The following LHPP variants were observed in gnomAD, a reference collection of about 807,000 sequenced individuals.
LHPP encodes phospholysine phosphohistidine inorganic pyrophosphate phosphatase, also known as hLHPP.
A neutral mutation model predicts 30.3 loss-of-function variants in LHPP; 24 were observed. The ratio of observed to expected loss-of-function variants is 0.79; its 90% CI spans 0.57 to 1.11. The LOEUF (loss-of-function observed/expected upper bound fraction) is 1.11. Among genes scored for constraint, LHPP ranks in the 50% most tolerant of loss-of-function variants. The pLI is 0.00. For missense variants in LHPP, 356 were observed against 367.2 expected (o/e 0.97, Z 0.25); for synonymous variants, 150 against 157.1 (o/e 0.95, Z 0.34).
chr10:124,495,858 C>T (rs1008962847), intron 3 of LHPP, among the ~76,000 whole-genome samples: 6 of 152,242 alleles, frequency 3.9e-5, no homozygotes, highest in South Asian at 2.1e-4. Flanking sequence ...CACAGCAATC[C>T]GTGAGGTAGG....
At chr10:124,491,746 G>A (rs1953537849) in intron 3 of LHPP, among the ~76,000 whole-genome samples, 1 of 151,672 alleles carries the variant, frequency 6.6e-6, no homozygotes, top group Admixed American at 6.6e-5. Context: ...CCAACATGGT[G>A]AAACCCTGTC....
chr10:124,510,652 G>A lies in LHPP; in HGVS notation c.625-6528G>A, dbSNP rs1039660940. 5.3e-5 allele frequency among the ~76,000 whole-genome samples: 8 copies of A among 152,252 alleles called. No homozygotes were observed. Among genetic ancestry groups the A allele is most frequent in the Non-Finnish European group, 1.2e-4 (8 of 68,050 alleles). ...CTGGTTTTGTATGTGGGAGGAGCAT[G>A]CACACAGTTTCATTTTCCCCGGAAG... On this transcript the variant is annotated intron_variant, in intron 5 of 6. Transcript: ENST00000368842. The surrounding 1 kb of genome is among the most constrained non-coding windows in gnomAD (Gnocchi z 4.0).
chr10:124,613,041 T>C, intron 6 of LHPP: 2 of 581,448 alleles, frequency 3.4e-6, no homozygotes, highest in Admixed American at 2.9e-5. Context: ...GAGACAGGTT[T>C]GGGGAGGTGT....
At chr10:124,470,743 C>T (rs1952707313) in intron 1 of LHPP, among the ~76,000 whole-genome samples, 1 of 152,156 alleles carries the variant, frequency 6.6e-6, no homozygotes, top group Admixed American at 6.5e-5. Context: ...CTCATCCAAC[C>T]CCCACACGCG....
intron 6 of LHPP, among the ~76,000 whole-genome samples, chr10:124,594,871 T>C (rs1041240111): frequency 6.6e-6 from 1 of 152,186 alleles, no homozygotes; most frequent in African/African-American, 2.4e-5. Flanking sequence ...TCTCGAGTGA[T>C]CCACCTGCCT....
In LHPP at chr10:124,496,753, C is replaced by T. The variant is rs1007036845; in HGVS notation, c.468-208C>T. Among the ~76,000 whole-genome samples, 1 of 152,232 alleles carries T rather than the reference C, an allele frequency of 6.6e-6. No homozygotes were observed. The highest frequency in any genetic ancestry group is 2.4e-5 in the African/African-American group (1 of 41,470). On this transcript the variant is annotated intron_variant, in intron 3 of 6. Transcript: ENST00000368842. The surrounding 1 kb of genome is among the most constrained non-coding windows in gnomAD (Gnocchi z 4.3). ...ATCCCTGGAGCTGCTGGCTGCTGCG[C>T]TCGCCCCACTGGGTGTGGCGGCCTG... is the stretch of plus-strand genomic sequence containing the variant.
chr10:124,551,887 C>T (rs1408589231), intron 6 of LHPP, among the ~76,000 whole-genome samples: 2 of 152,130 alleles, frequency 1.3e-5, no homozygotes, highest in Admixed American at 6.5e-5. Context: ...GTCCGCAGGC[C>T]CCCGGGTGGC....
chr10:124,467,255 G>T (rs1352876786), intron 1 of LHPP, among the ~76,000 whole-genome samples: 1 of 152,068 alleles, frequency 6.6e-6, no homozygotes, highest in Non-Finnish European at 1.5e-5. Context: ...TGGGGAGGAA[G>T]GCATGAATTA....
chr10:124,498,399 G>C, intron 5 of LHPP: 1 of 1,547,762 alleles, frequency 6.5e-7, no homozygotes, highest in Non-Finnish European at 8.7e-7. Flanking sequence ...TTCTCTGAAA[G>C]GATAAGAATT....
rs1953025907 is a variant in LHPP at position 124,478,596 on chromosome 10, G to T, written c.126-5543G>T. 6.6e-6 allele frequency among the ~76,000 whole-genome samples: 1 copy of T among 152,232 alleles called. No individual in the cohort carries two copies. Among genetic ancestry groups the T allele is most frequent in the South Asian group, 2.1e-4 (1 of 4,836 alleles). ...AGTAATGAGAGGGTTTTCATTATTT[G>T]CGGGTGAGCGCTCCTGGCAGATGCC... On this transcript the variant is annotated intron_variant, in intron 1 of 6. Coordinates refer to ENST00000368842, the MANE Select transcript of LHPP (RefSeq NM_022126.4). This position sits in a 1 kb window ranked among gnomAD's most constrained non-coding sequence, Gnocchi z 4.7.
intron 6 of LHPP, among the ~76,000 whole-genome samples, chr10:124,609,546 T>C (rs1380762918): frequency 6.6e-6 from 1 of 152,160 alleles, no homozygotes; most frequent in African/African-American, 2.4e-5. Context: ...GCCCGGCCCA[T>C]ATGTGGCTTT....
intron 4 of LHPP, among the ~76,000 whole-genome samples, chr10:124,497,283 TCCTCCCCATCCTCC>T (rs765133867): frequency 0.33 from 37,321 of 112,892 alleles, 6,464 homozygotes; most frequent in South Asian, 0.57. Flanking sequence ...ATCCTCCCCA[TCCTCCCCATCCTCC>T]AGTGGGCGCA....
chr10:124,602,809 CA>C (rs1285605047), intron 6 of LHPP, among the ~76,000 whole-genome samples: 1 of 152,218 alleles, frequency 6.6e-6, no homozygotes, highest in Admixed American at 6.5e-5. Flanking sequence ...AGATGGGGGC[CA>C]GACCACCAGG....
rs1371846110 is a variant in LHPP, at chr10:124,510,153, C to T, written c.625-7027C>T. Among the ~76,000 whole-genome samples, 2 of 152,184 alleles carry T rather than the reference C, an allele frequency of 1.3e-5. No homozygotes were observed. Among genetic ancestry groups the T allele is most frequent in the Non-Finnish European group, 2.9e-5 (2 of 68,022 alleles). On this transcript the variant is annotated intron_variant, in intron 5 of 6. Transcript: ENST00000368842. This position sits in a 1 kb window ranked among gnomAD's most constrained non-coding sequence, Gnocchi z 4.0. ...ATGTCGTGTCTGAAAGGAAGCGAAGCCCAGCCCTGGCAGGTGGAGTATTTT... is the reference window on the plus strand; with the variant it reads ...ATGTCGTGTCTGAAAGGAAGCGAAGTCCAGCCCTGGCAGGTGGAGTATTTT...
intron 1 of LHPP, among the ~76,000 whole-genome samples, chr10:124,482,895 C>T (rs1219502491): frequency 6.6e-6 from 1 of 152,224 alleles, no homozygotes; most frequent in Non-Finnish European, 1.5e-5. Flanking sequence ...CTATTCCAAC[C>T]TCCTCCTATT....
intron 6 of LHPP, among the ~76,000 whole-genome samples, chr10:124,604,889 C>T (rs1949072120): frequency 6.6e-6 from 1 of 152,238 alleles, no homozygotes; most frequent in South Asian, 2.1e-4. Flanking sequence ...CACCCTGCCC[C>T]TTCCCCTGCC....
chr10:124,561,466 C>T (rs186645005), intron 6 of LHPP, among the ~76,000 whole-genome samples: 1 of 152,094 alleles, frequency 6.6e-6, no homozygotes, highest in East Asian at 1.9e-4. Context: ...TCCCACTGGA[C>T]GGGCAGCATC....
At chr10:124,470,948 G>T (rs573890091) in intron 1 of LHPP, among the ~76,000 whole-genome samples, 13 of 152,238 alleles carry the variant, frequency 8.5e-5, no homozygotes, top group African/African-American at 3.1e-4. Flanking sequence ...AGAGATGGGA[G>T]CCGGTGCTCT....
At chr10:124,484,460 T>C in intron 2 of LHPP, 134 bp downstream of exon 2, 1 of 848,914 alleles carries the variant, frequency 1.2e-6, no homozygotes, top group Non-Finnish European at 1.8e-6. Flanking sequence ...GGGTTGGGGG[T>C]AAAAACCTCA....
Sources: allele counts gnomAD v4.1 joint callset (sites outside exome capture counted in the v4.1 genomes callset), GRCh38; gene constraint gnomAD v4.1.1; non-coding constraint Gnocchi (gnomAD v3.1); transcripts MANE v1.5; gene names NCBI Gene and HGNC (gene_info 2026-07-23, HGNC 2026-07-21).